The following EYS variants were observed in gnomAD, a reference collection of about 807,000 sequenced individuals.
The protein encoded by EYS is EGF-like photoreceptor maintenance factor, also known as protein eyes shut homolog.
A neutral mutation model predicts 282.1 loss-of-function variants in EYS; 250 were observed. The observed-to-expected ratio is 0.89, with a 90% CI of 0.80 to 0.98. EYS has a LOEUF of 0.98. Ranked by LOEUF, EYS falls within the 50% of genes least tolerant of loss-of-function variation. The pLI is 0.00. For missense variants in EYS, 4,016 were observed against 3,709.0 expected (o/e 1.08, Z -2.15); for synonymous variants, 1,355 against 1,282.9 (o/e 1.06, Z -1.20).
chr6:64,388,823 C>A lies in EYS; in HGVS notation c.5945G>T (p.Cys1982Phe), dbSNP rs1208956495. Residue 1982 changes from cysteine to phenylalanine, a missense_variant, in exon 29 of 43, where the codon TGT becomes TTT. By Grantham distance (205) the Cys-to-Phe change is radical. Coordinates refer to ENST00000503581, the MANE Select transcript of EYS (RefSeq NM_001142800.2). ...TLLIRQELDP[C>F]NAELTILGRN... ...CCCTAAAATAGTCAGCTCAGCGTTACATGGATCCAATTCTTGCCTGTAACC... is the reference window on the plus strand; with the variant it reads ...CCCTAAAATAGTCAGCTCAGCGTTAAATGGATCCAATTCTTGCCTGTAACC... The A allele has an allele frequency of 4.6e-6, 7 of 1,522,208 alleles. No homozygotes were observed. The highest frequency in any genetic ancestry group is 6.2e-6 in the Non-Finnish European group (7 of 1,134,046). 94.3% of individuals were successfully genotyped at this position (1,522,208 alleles called of 1,614,324 possible).
intron 33 of EYS, among the ~76,000 whole-genome samples, chr6:64,033,061 CTCAGGAGGT>C (rs1357358655): frequency 6.6e-5 from 10 of 152,346 alleles, no homozygotes; most frequent in Admixed American, 2.0e-4. Context: ...GCTCCTATCA[CTCAGGAGGT>C]TACAAGAATT....
intron 26 of EYS, among the ~76,000 whole-genome samples, chr6:64,469,116 G>A (rs1035029367): frequency 2.6e-5 from 4 of 152,168 alleles, no homozygotes; most frequent in African/African-American, 7.2e-5. Context: ...CTCAACAGCA[G>A]TGTATAAATT....
At chr6:65,506,647 A>ATT (rs35607551) in intron 2 of EYS, among the ~76,000 whole-genome samples, 2,463 of 146,570 alleles carry the variant, frequency 0.017, 79 homozygotes, top group African/African-American at 0.057. Flanking sequence ...CAGACTATGA[A>ATT]TTTTTTTTTT....
chr6:65,160,881 T>C (rs934647792), intron 12 of EYS, among the ~76,000 whole-genome samples: 6 of 138,804 alleles, frequency 4.3e-5, no homozygotes, highest in African/African-American at 1.8e-4. Context: ...TGTTCCTGGT[T>C]CCCAATTTAC....
At chr6:65,642,931 G>C (rs1767327474) in intron 1 of EYS, among the ~76,000 whole-genome samples, 1 of 152,254 alleles carries the variant, frequency 6.6e-6, no homozygotes, top group Admixed American at 6.5e-5. Flanking sequence ...CTAGCTTGCA[G>C]TTCCTGCTTG....
chr6:64,225,614 C>G (rs940099566), intron 31 of EYS, among the ~76,000 whole-genome samples: 86 of 152,060 alleles, frequency 5.7e-4, no homozygotes, highest in African/African-American at 1.6e-3. Context: ...CAAGGAAATG[C>G]ATTCTCCCTT....
At position 64,904,196 on chromosome 6, in the gene EYS, C is replaced by G. The variant is rs9354190; in HGVS notation, c.2642-1696G>C. 6.2e-4 allele frequency among the ~76,000 whole-genome samples: 95 copies of G among 152,240 alleles called. 2 individuals are homozygous for G. In the East Asian group the frequency reaches 0.018, roughly 29 times the overall value. On this transcript the variant is annotated intron_variant, in intron 16 of 42. Coordinates refer to ENST00000503581, the MANE Select transcript of EYS (RefSeq NM_001142800.2). ...CACTAATTGTAAGTAAGCTGCCATACTTATGGGGCTAGCAGACCAGGTAGT... is the reference window on the plus strand; with the variant it reads ...CACTAATTGTAAGTAAGCTGCCATAGTTATGGGGCTAGCAGACCAGGTAGT...
intron 22 of EYS, among the ~76,000 whole-genome samples, chr6:64,803,379 G>GT (rs1279052159): frequency 3.3e-5 from 5 of 151,368 alleles, no homozygotes; most frequent in African/African-American, 1.2e-4. Context: ...AGGTGTGTGT[G>GT]TGGGGGGGTT....
chr6:64,452,919 T>A (rs146737293), intron 26 of EYS, among the ~76,000 whole-genome samples: 1 of 152,090 alleles, frequency 6.6e-6, no homozygotes, highest in Admixed American at 6.6e-5. Context: ...TAAGAAAACC[T>A]AGGCAATACC....
At chr6:64,320,461 T>C (rs75017520) in intron 29 of EYS, among the ~76,000 whole-genome samples, 4,731 of 151,988 alleles carry the variant, frequency 0.031, 230 homozygotes, top group African/African-American at 0.11. Context: ...GTGTAATATA[T>C]TGTTAAACAA....
At chr6:64,539,656 C>T (rs1275461144) in intron 26 of EYS, among the ~76,000 whole-genome samples, 2 of 152,186 alleles carry the variant, frequency 1.3e-5, no homozygotes, top group Non-Finnish European at 2.9e-5. Flanking sequence ...GCCACTGGTT[C>T]ATAAGCACCC....
intron 31 of EYS, among the ~76,000 whole-genome samples, chr6:64,118,933 T>G (rs77184210): frequency 0.068 from 10,405 of 152,078 alleles, 1,079 homozygotes; most frequent in African/African-American, 0.23. Flanking sequence ...ATAGCCAACA[T>G]GTATCTGAAA....
intron 28 of EYS, among the ~76,000 whole-genome samples, chr6:64,416,510 C>A (rs1230019186): frequency 7.1e-6 from 1 of 141,586 alleles, no homozygotes; most frequent in Non-Finnish European, 1.5e-5. Context: ...CTTTATAAGC[C>A]GTTAGGTCTT....
chr6:64,589,463 T>C (rs1400716987), intron 26 of EYS, among the ~76,000 whole-genome samples: 1 of 152,064 alleles, frequency 6.6e-6, no homozygotes, highest in Non-Finnish European at 1.5e-5. Flanking sequence ...TTTCTTAAAA[T>C]AATGAAAAAT....
In EYS at chr6:63,922,611, A is replaced by G. The variant is rs1764604776; in HGVS notation, c.7056-58253T>C. 2.0e-5 allele frequency among the ~76,000 whole-genome samples: 3 copies of G among 152,200 alleles called. No homozygotes were observed. In the South Asian group the frequency reaches 6.2e-4, roughly 31 times the overall value. On this transcript the variant is annotated intron_variant, in intron 35 of 42. Coordinates refer to ENST00000503581, the MANE Select transcript of EYS (RefSeq NM_001142800.2). ...GAGAAGATAATTAGGCATGTCTCAA[A>G]AGAAAAAGGACTACGCTATAATGAG...
chr6:65,137,172 A>C (rs1261450115), intron 12 of EYS, among the ~76,000 whole-genome samples: 1 of 152,112 alleles, frequency 6.6e-6, no homozygotes, highest in African/African-American at 2.4e-5. Flanking sequence ...AATAAAACTG[A>C]CAAAAATAAA....
chr6:63,853,700 A>C (rs765062817), intron 36 of EYS, among the ~76,000 whole-genome samples: 6 of 152,222 alleles, frequency 3.9e-5, no homozygotes, highest in Non-Finnish European at 7.3e-5. Context: ...AAAAGAACAA[A>C]GCTGGAGGCA....
chr6:64,327,414 T>C (rs1276075799), intron 29 of EYS, among the ~76,000 whole-genome samples: 1 of 152,096 alleles, frequency 6.6e-6, no homozygotes, highest in Non-Finnish European at 1.5e-5. Flanking sequence ...TTTAATGATA[T>C]TGGGTTATGC....
chr6:64,055,835 G>A (rs1200595625), intron 33 of EYS, among the ~76,000 whole-genome samples: 7 of 152,154 alleles, frequency 4.6e-5, no homozygotes, highest in African/African-American at 9.7e-5. Flanking sequence ...ATGGCAGGGC[G>A]ATAGTGGGTG....
Sources: allele counts gnomAD v4.1 joint callset (sites outside exome capture counted in the v4.1 genomes callset), GRCh38; gene constraint gnomAD v4.1.1; transcripts MANE v1.5; gene names NCBI Gene and HGNC (gene_info 2026-07-23, HGNC 2026-07-21).